Variants in ZNF618 observed in about 807,000 individuals in gnomAD.
ZNF618 encodes the protein neural precursor cell expressed, developmentally down-regulated 10.
ZNF618 carries 34 observed loss-of-function variants against 103.0 expected under a neutral mutation model. That is an observed-to-expected ratio of 0.33 (90% CI 0.25 to 0.44). ZNF618 has a LOEUF of 0.44. Among genes scored for constraint, ZNF618 ranks in the 20% least tolerant of loss-of-function variants. The pLI is 1.00. For synonymous variants in ZNF618, 551 were observed against 542.2 expected, an observed-to-expected ratio of 1.02 and a Z score of -0.23; for missense variants, 1,059 against 1,295.4, an observed-to-expected ratio of 0.82 and a Z score of 2.80.
intron 1 of ZNF618, among the ~76,000 whole-genome samples, chr9:113,963,609 T>G (rs1837071354): frequency 6.6e-6 from 1 of 152,168 alleles, no homozygotes; most frequent in Non-Finnish European, 1.5e-5. Context: ...CATAGTAGGT[T>G]TCCAAGAACT....
At chr9:113,933,427 T>G (rs1833773288) in intron 1 of ZNF618, among the ~76,000 whole-genome samples, 2 of 152,120 alleles carry the variant, frequency 1.3e-5, no homozygotes, top group Admixed American at 1.3e-4. Context: ...GAAGTACAAT[T>G]CCACTGGGGC....
At chr9:113,947,451 G>A (rs1160807762) in intron 1 of ZNF618, among the ~76,000 whole-genome samples, 1 of 152,184 alleles carries the variant, frequency 6.6e-6, no homozygotes, top group African/African-American at 2.4e-5. Context: ...CACCAGCCAG[G>A]TCCTCCTGCT....
In ZNF618 at chr9:114,049,015, C is replaced by A. The variant is rs201941096; in HGVS notation, c.1713C>A (p.Ala571=). 8.6e-5 allele frequency: 138 copies of A among 1,613,348 alleles called. No homozygotes were observed. In the African/African-American group the frequency reaches 1.6e-3, roughly 19 times the overall value. Residue 571 remains alanine (A), a synonymous_variant, in exon 15 of 15, where the codon GCC becomes GCA. Transcript: ENST00000374126. ...DSCYILTAYQ[A]EGNHIKSYVL... Reference sequence around the variant, plus strand: ...GCTACATCCTCACAGCCTACCAGGCCGAGGGCAACCACATCAAGAGCTATG... The same window carrying A: ...GCTACATCCTCACAGCCTACCAGGCAGAGGGCAACCACATCAAGAGCTATG...
chr9:114,004,596 A>G (rs1285007172), intron 6 of ZNF618, among the ~76,000 whole-genome samples: 1 of 152,030 alleles, frequency 6.6e-6, no homozygotes, highest in African/African-American at 2.4e-5. Context: ...TCCTTCCGTC[A>G]CTTTTCCCTT....
chr9:113,912,963 G>A (rs1307201691), intron 1 of ZNF618, among the ~76,000 whole-genome samples: 4 of 152,072 alleles, frequency 2.6e-5, no homozygotes, highest in Non-Finnish European at 4.4e-5. Context: ...GGTCAGAGGC[G>A]GCTGTTACTC....
At chr9:114,000,487 AT>A (rs11458966) in intron 4 of ZNF618, among the ~76,000 whole-genome samples, 43,720 of 150,108 alleles carry the variant, frequency 0.29, 7,945 homozygotes, top group East Asian at 0.61. Flanking sequence ...TCTTTTTGTG[AT>A]TTTTTTTTTA....
intron 3 of ZNF618, among the ~76,000 whole-genome samples, chr9:113,994,417 TGGCCACC>T: frequency 6.6e-6 from 1 of 152,238 alleles, no homozygotes; most frequent in South Asian, 2.1e-4. Context: ...GGAGGAGTTC[TGGCCACC>T]CTCCCAGGCG....
intron 2 of ZNF618, among the ~76,000 whole-genome samples, chr9:113,987,650 G>T (rs1207299369): frequency 6.6e-6 from 1 of 152,240 alleles, no homozygotes; most frequent in African/African-American, 2.4e-5. Flanking sequence ...CCAAAGCGTA[G>T]TTTGAGGCCC....
In ZNF618 at chr9:113,951,553, G is replaced by A. The variant is rs1003821584; in HGVS notation, c.34-17564G>A. 7.4e-4 allele frequency among the ~76,000 whole-genome samples: 27 copies of A among 36,436 alleles called. 5 individuals carry two copies. Among genetic ancestry groups the A allele is most frequent in the Admixed American group, 3.3e-3 (8 of 2,428 alleles). The allele number at this position is 36,436 out of a possible 152,430, so 23.9% of individuals were successfully genotyped here. A position where few individuals can be genotyped will look rare whatever the true frequency, so the allele number is the denominator to read the frequency against. On this transcript the variant is annotated intron_variant, in intron 1 of 14. Transcript: ENST00000374126. ...TATGTGTGTACATATGTACACATAT[G>A]TGTGTGTATATGTGTGTGTGTATAT...
chr9:113,932,158 T>TG (rs1833642023), intron 1 of ZNF618, among the ~76,000 whole-genome samples: 1 of 151,810 alleles, frequency 6.6e-6, no homozygotes, highest in Non-Finnish European at 1.5e-5. Flanking sequence ...GGTAATGGAG[T>TG]GGAGGGCTAT....
At chr9:114,016,461 G>A (rs1351027969) in intron 9 of ZNF618, among the ~76,000 whole-genome samples, 2 of 152,126 alleles carry the variant, frequency 1.3e-5, no homozygotes, top group South Asian at 2.1e-4. Flanking sequence ...TATGACCTCC[G>A]TTTTATAGAT....
intron 1 of ZNF618, among the ~76,000 whole-genome samples, chr9:113,938,719 C>T (rs1241632913): frequency 1.3e-5 from 2 of 151,966 alleles, no homozygotes; most frequent in Non-Finnish European, 2.9e-5. Flanking sequence ...CAGGCATGTA[C>T]CACCATGCCC....
Position 114,050,440 on chromosome 9 carries a change from A to ACT in ZNF618, c.*274_*275insTC. 14 of 319,616 alleles carry ACT rather than the reference A, an allele frequency of 4.4e-5. No homozygotes were observed. The highest frequency in any genetic ancestry group is 1.9e-4 in the East Asian group (3 of 15,834). The allele number at this position is 319,616 out of a possible 1,614,324, so 19.8% of individuals were successfully genotyped here. A position where few individuals can be genotyped will look rare whatever the true frequency, so the allele number is the denominator to read the frequency against. ...CCATGGCCAGAGAAACTTTGCACAC[A>ACT]CGCACACACACACACACACACACAC... On this transcript the variant is annotated 3_prime_UTR_variant, in exon 15 of 15. Coordinates refer to ENST00000374126, the MANE Select transcript of ZNF618 (RefSeq NM_001318042.2).
At chr9:113,924,355 C>T (rs1832887435) in intron 1 of ZNF618, among the ~76,000 whole-genome samples, 1 of 150,708 alleles carries the variant, frequency 6.6e-6, no homozygotes, top group African/African-American at 2.4e-5. Flanking sequence ...TCCATGAGAT[C>T]AGTAGTGATG....
chr9:113,994,579 C>T (rs1040990885), intron 3 of ZNF618, among the ~76,000 whole-genome samples: 1 of 152,204 alleles, frequency 6.6e-6, no homozygotes, highest in Non-Finnish European at 1.5e-5. Flanking sequence ...TTCTCTAAGC[C>T]ACCGTGTCTT....
intron 11 of ZNF618, among the ~76,000 whole-genome samples, chr9:114,029,606 C>T (rs757972706): frequency 3.3e-5 from 5 of 151,988 alleles, no homozygotes; most frequent in Non-Finnish European, 5.9e-5. Context: ...CATGAGTTTG[C>T]ATCTCCCACC....
intron 1 of ZNF618, among the ~76,000 whole-genome samples, chr9:113,942,633 A>G (rs1834656250): frequency 6.6e-6 from 1 of 152,190 alleles, no homozygotes; most frequent in South Asian, 2.1e-4. Flanking sequence ...ACGATGAATC[A>G]GTGCTTCATT....
chr9:113,900,512 C>T (rs1178873259), intron 1 of ZNF618, among the ~76,000 whole-genome samples: 1 of 152,200 alleles, frequency 6.6e-6, no homozygotes, highest in East Asian at 1.9e-4. Context: ...AAAGTGACTT[C>T]TTTGAGGTGA....
At chr9:113,932,364 G>T (rs1364150125) in intron 1 of ZNF618, among the ~76,000 whole-genome samples, 1 of 152,174 alleles carries the variant, frequency 6.6e-6, no homozygotes, top group Non-Finnish European at 1.5e-5. Context: ...GGGTAGCCAG[G>T]TCACGGAGGG....
Sources: allele counts gnomAD v4.1 joint callset (sites outside exome capture counted in the v4.1 genomes callset), GRCh38; gene constraint gnomAD v4.1.1; transcripts MANE v1.5; gene names NCBI Gene and HGNC (gene_info 2026-07-23, HGNC 2026-07-21).